SOX5: variants seen among roughly 807,000 people sequenced by gnomAD.
SOX5 encodes SRY-box transcription factor 5, also known as transcription factor SOX-5.
In SOX5, 9 loss-of-function variants were observed where a neutral mutation model predicts 92.0. The observed-to-expected ratio is 0.10, with a 90% CI of 0.06 to 0.17. SOX5 has a LOEUF of 0.17. Ranked by LOEUF, SOX5 falls within the 10% of genes least tolerant of loss-of-function variation. The pLI, the probability that SOX5 is intolerant of heterozygous loss-of-function variation, is 1.00. For missense variants in SOX5, 642 were observed against 944.5 expected (o/e 0.68, Z 4.20); for synonymous variants, 344 against 336.3 (o/e 1.02, Z -0.25).
intron 1 of SOX5, among the ~76,000 whole-genome samples, chr12:24,461,398 A>G (rs1943612498): frequency 6.6e-6 from 1 of 152,210 alleles, no homozygotes; most frequent in South Asian, 2.1e-4. Flanking sequence ...GGAGGATGAC[A>G]ATTGATATGA....
chr12:23,952,319 GCTGCTGTCTTGCTACAGCTACTACCT>G (rs2139881188), upstream of SOX5, among the ~76,000 whole-genome samples: 1 of 152,296 alleles, frequency 6.6e-6, no homozygotes, highest in Non-Finnish European at 1.5e-5. Flanking sequence ...TATGGTCCCA[GCTGCTGTCTTGCTACAGCTACTACCT>G]CTGGTTGTTT....
chr12:23,816,721 T>C (rs2096002899), intron 3 of SOX5, among the ~76,000 whole-genome samples: 1 of 152,090 alleles, frequency 6.6e-6, no homozygotes, highest in African/African-American at 2.4e-5. Context: ...AAAAGGGTGA[T>C]GCAAGGAAAA....
intron 3 of SOX5, among the ~76,000 whole-genome samples, chr12:24,246,282 AT>A (rs375919899): frequency 0.19 from 27,421 of 145,676 alleles, 2,625 homozygotes; most frequent in African/African-American, 0.23. Flanking sequence ...ACAGACACAG[AT>A]TTTTTTTTTT....
intron 1 of SOX5, among the ~76,000 whole-genome samples, chr12:24,466,345 A>C (rs745361725): frequency 6.6e-5 from 10 of 152,046 alleles, no homozygotes; most frequent in Non-Finnish European, 1.3e-4. Flanking sequence ...TCCTGGACTC[A>C]AGTGTTCCTC....
chr12:24,492,039 CACAT>C (rs201634186), intron 1 of SOX5, among the ~76,000 whole-genome samples: 2,575 of 152,224 alleles, frequency 0.017, 27 homozygotes, highest in Middle Eastern at 0.034. Flanking sequence ...CAAGCAGACA[CACAT>C]ACATTCTCAC....
chr12:24,132,215 G>A (rs1294361447), intron 4 of SOX5, among the ~76,000 whole-genome samples: 1 of 152,144 alleles, frequency 6.6e-6, no homozygotes, highest in Non-Finnish European at 1.5e-5. Context: ...CAATGCCCAT[G>A]ACCAAGTAGC....
At chr12:23,774,083 GAGAC>G (rs1165948630) in intron 3 of SOX5, among the ~76,000 whole-genome samples, 3 of 152,092 alleles carry the variant, frequency 2.0e-5, no homozygotes, top group South Asian at 2.1e-4. Context: ...GACAAAAAGA[GAGAC>G]AGAGACAAAA....
chr12:23,828,395 TTCTA>T (rs796229661), intron 3 of SOX5, among the ~76,000 whole-genome samples: 17 of 152,318 alleles, frequency 1.1e-4, no homozygotes, highest in African/African-American at 3.8e-4. Flanking sequence ...AAATATATCT[TTCTA>T]TATCATTTTT....
intron 1 of SOX5, among the ~76,000 whole-genome samples, chr12:23,901,008 A>G (rs560437188): frequency 3.9e-5 from 6 of 152,226 alleles, no homozygotes; most frequent in African/African-American, 1.4e-4. Context: ...TGCTCCCCAA[A>G]CCAAGATGTC....
At chr12:24,401,441 G>C (rs1019339067) in intron 1 of SOX5, among the ~76,000 whole-genome samples, 46 of 151,678 alleles carry the variant, frequency 3.0e-4, no homozygotes, top group Non-Finnish European at 8.8e-5. Context: ...CAGGTTTGGT[G>C]GCTCGCACCT....
intron 9 of SOX5, among the ~76,000 whole-genome samples, chr12:23,578,141 A>AAAAAAAAAAC (rs1949504622): frequency 7.3e-6 from 1 of 136,272 alleles, no homozygotes; most frequent in African/African-American, 2.7e-5. Flanking sequence ...AAAAAAAAAA[A>AAAAAAAAAAC]AAAAAAAAAC....
intron 4 of SOX5, among the ~76,000 whole-genome samples, chr12:24,192,135 T>C (rs935391413): frequency 2.0e-5 from 3 of 152,184 alleles, no homozygotes; most frequent in Non-Finnish European, 4.4e-5. Flanking sequence ...CTATTCACAA[T>C]GCAGAAAACT....
chr12:23,988,954 T>C (rs777441828), intron 4 of SOX5, among the ~76,000 whole-genome samples: 6 of 152,180 alleles, frequency 3.9e-5, no homozygotes, highest in Non-Finnish European at 8.8e-5. Context: ...TAGTGTTTTC[T>C]AGAGTTATAT....
chr12:24,345,640 A>T (rs1009782085), intron 2 of SOX5, among the ~76,000 whole-genome samples: 1 of 152,250 alleles, frequency 6.6e-6, no homozygotes, highest in Non-Finnish European at 1.5e-5. Flanking sequence ...ACGGAAAAGT[A>T]TAAAATTAAT....
At chr12:23,713,812 G>C (rs1489308613) in intron 6 of SOX5, among the ~76,000 whole-genome samples, 2 of 149,474 alleles carry the variant, frequency 1.3e-5, no homozygotes, top group Non-Finnish European at 3.0e-5. Context: ...ATTATTATTG[G>C]CTGGGCATGG....
At chr12:23,881,335 C>T (rs1192511986) in intron 2 of SOX5, among the ~76,000 whole-genome samples, 1 of 152,300 alleles carries the variant, frequency 6.6e-6, no homozygotes, top group South Asian at 2.1e-4. Context: ...TTGGCCCCCT[C>T]TTTTTCTCTT....
chr12:24,005,168 A>G (rs1049736332), intron 4 of SOX5, among the ~76,000 whole-genome samples: 1 of 151,930 alleles, frequency 6.6e-6, no homozygotes, highest in African/African-American at 2.4e-5. Flanking sequence ...TAGGTAGCAC[A>G]GCTCTATAAA....
intron 4 of SOX5, among the ~76,000 whole-genome samples, chr12:24,163,337 T>C (rs1390285896): frequency 1.3e-5 from 2 of 152,120 alleles, no homozygotes; most frequent in Non-Finnish European, 2.9e-5. Context: ...TCTACATTTA[T>C]CTTAATAAAC....
At chr12:23,786,197 C>G (rs1336305974) in intron 3 of SOX5, among the ~76,000 whole-genome samples, 1 of 151,674 alleles carries the variant, frequency 6.6e-6, no homozygotes, top group African/African-American at 2.4e-5. Flanking sequence ...TTGGTTTATC[C>G]CACAACAGCT....
Sources: allele counts gnomAD v4.1 joint callset (sites outside exome capture counted in the v4.1 genomes callset), GRCh38; gene constraint gnomAD v4.1.1; transcripts MANE v1.5; gene names NCBI Gene and HGNC (gene_info 2026-07-23, HGNC 2026-07-21).